MIOS: variants seen among roughly 807,000 people sequenced by gnomAD.
MIOS encodes meiosis regulator for oocyte development.
Under a neutral mutation model 96.9 loss-of-function variants are expected in MIOS, and 52 were observed. The ratio of observed to expected loss-of-function variants is 0.54; its 90% confidence interval spans 0.43 to 0.68. MIOS has a LOEUF of 0.68. MIOS is among the 30% of genes least tolerant of loss of function. The probability of loss-of-function intolerance (pLI) is 0.00; values close to 1 mark genes in which losing one functional copy is unlikely to be tolerated. For synonymous variants in MIOS, 397 were observed against 359.5 expected (o/e 1.10, Z -1.18); for missense variants, 1,005 against 1,052.8 (o/e 0.95, Z 0.63).
intron 5 of MIOS, among the ~76,000 whole-genome samples, chr7:7,579,283 A>G (rs1305730375): frequency 6.6e-6 from 1 of 152,230 alleles, no homozygotes; most frequent in Non-Finnish European, 1.5e-5. Context: ...CAATAAAAAG[A>G]TCTCTAAGCA....
rs1784595573 is a variant in MIOS, at chr7:7,608,858, C to G, written c.*1766C>G. 6.6e-6 allele frequency: 1 copy of G among 151,840 alleles called. No homozygotes were observed. The highest frequency in any genetic ancestry group is 2.1e-4 in the South Asian group (1 of 4,820). The allele number at this position is 151,840 out of a possible 1,614,324, so 9.4% of individuals were successfully genotyped here. ...ATTATGTAATATGCTTATTTGTAAT[C>G]CTAATATATGAGGGTGACATTTTTA... On this transcript the variant is annotated 3_prime_UTR_variant, in exon 13 of 13. Transcript: ENST00000340080.
intron 3 of MIOS, 117 bp downstream of exon 3, chr7:7,568,240 G>A (rs1035861919): frequency 7.9e-5 from 12 of 152,210 alleles, no homozygotes; most frequent in Non-Finnish European, 1.3e-4. Flanking sequence ...TAAGGGAATG[G>A]TAGTAATACT....
At chr7:7,588,685 G>A (rs1783961224) in intron 8 of MIOS, 122 bp downstream of exon 8, 1 of 510,116 alleles carries the variant, frequency 2.0e-6, no homozygotes, top group Non-Finnish European at 3.1e-6. Context: ...TAAAAAGTAT[G>A]GTAAGAATTT....
intron 11 of MIOS, among the ~76,000 whole-genome samples, chr7:7,598,108 A>G (rs904404603): frequency 1.3e-5 from 2 of 152,214 alleles, no homozygotes; most frequent in South Asian, 4.1e-4. Flanking sequence ...TAACTTGAAA[A>G]TGATACTGTG....
chr7:7,604,711 T>G (rs915953381), intron 11 of MIOS, among the ~76,000 whole-genome samples: 3 of 152,226 alleles, frequency 2.0e-5, no homozygotes, highest in African/African-American at 7.2e-5. Context: ...TCATTTGATC[T>G]TAAGCCTTTA....
chr7:7,601,092 C>T (rs924596203), intron 11 of MIOS, among the ~76,000 whole-genome samples: 3 of 151,986 alleles, frequency 2.0e-5, no homozygotes, highest in Non-Finnish European at 4.4e-5. Context: ...ATTTATAGCA[C>T]TAAATGCCCA....
rs780868296 is a variant in MIOS, at chr7:7,583,224, A to C, written c.1500A>C (p.Ile500=). Residue 500 remains isoleucine (I), a synonymous_variant, in exon 6 of 13, where the codon ATA becomes ATC. Coordinates refer to ENST00000340080, the MANE Select transcript of MIOS (RefSeq NM_019005.4). ...TAGCTTTACAGCTTTGTGGGTGGAT[A>C]AAGAAAGGAACGGATGTAGACGTGG... ...RILALQLCGW[I]KKGTDVDVGP... is the part of the protein sequence containing the mutation. The C allele has an allele frequency of 6.2e-7, 1 of 1,614,184 alleles. No individual in the cohort carries two copies. The highest frequency in any genetic ancestry group is 8.5e-7 in the Non-Finnish European group (1 of 1,180,020).
chr7:7,587,144 G>A (rs1783913856), intron 7 of MIOS, among the ~76,000 whole-genome samples: 2 of 152,030 alleles, frequency 1.3e-5, no homozygotes. Flanking sequence ...CCAAGTAGCT[G>A]AGACTGCAGG....
At chr7:7,567,488 A>C (rs1396315233) in intron 1 of MIOS, 119 bp from the exon 2 acceptor site, 2 of 152,084 alleles carry the variant, frequency 1.3e-5, no homozygotes, top group African/African-American at 4.8e-5. Context: ...TCTCCCGGTG[A>C]GCTCTGTTCT....
At position 7,573,805 on chromosome 7, in the gene MIOS, A is replaced by G. The variant is rs772924898; in HGVS notation, c.1294+36A>G. On this transcript the variant is annotated intron_variant, in intron 4 of 12. Transcript: ENST00000340080. This position sits in a 1 kb window ranked among gnomAD's most constrained non-coding sequence, Gnocchi z 5.0. Reference sequence around the variant, plus strand: ...CATTGTGAATTTTGTGAGGTGAATCAGGTAGAAATGTTCTTGAAGTTTGCC... The same window carrying G: ...CATTGTGAATTTTGTGAGGTGAATCGGGTAGAAATGTTCTTGAAGTTTGCC... 1 of 1,527,436 alleles carries G rather than the reference A, an allele frequency of 6.5e-7. No individual in the cohort carries two copies. Among genetic ancestry groups the G allele is most frequent in the South Asian group, 1.3e-5 (1 of 76,716 alleles). The allele number at this position is 1,527,436 out of a possible 1,614,324, so 94.6% of individuals were successfully genotyped here.
intron 11 of MIOS, 138 bp downstream of exon 11, chr7:7,596,599 T>C: frequency 1.3e-6 from 1 of 776,562 alleles, no homozygotes; most frequent in Non-Finnish European, 2.0e-6. Context: ...AAGGCTTTTA[T>C]GTTCCTATAA....
intron 11 of MIOS, among the ~76,000 whole-genome samples, chr7:7,601,601 G>A (rs182169699): frequency 2.0e-5 from 3 of 152,090 alleles, no homozygotes; most frequent in Non-Finnish European, 2.9e-5. Flanking sequence ...ACCAAAAAAA[G>A]TCCAGGACCA....
At chr7:7,590,519 C>G (rs894188649) in intron 9 of MIOS, among the ~76,000 whole-genome samples, 12 of 152,158 alleles carry the variant, frequency 7.9e-5, no homozygotes, top group African/African-American at 2.9e-4. Flanking sequence ...AAAATCCAGT[C>G]TGATAATTGC....
At position 7,596,461 on chromosome 7, in the gene MIOS, G is replaced by C; in HGVS notation, c.2401G>C (p.Gly801Arg). Residue 801 changes from glycine (G) to arginine (R), a missense_variant and splice_region_variant, in exon 11 of 13, where the codon GGA (glycine) becomes CGA (arginine). Around this residue, in one of 3 missense-constraint regions of MIOS, gnomAD observed 865 missense variants for 887.9 expected, o/e 0.97. Transcript: ENST00000340080. ...GGGAACACCAGTTTCTAGCTGTCCT[G>C]GTATGACATAATTTTACAAAATACT... Reference protein sequence around the residue: ...NMGTPVSSCPGGTKSDEKVDL... With the variant: ...NMGTPVSSCPRGTKSDEKVDL... 6.2e-7 allele frequency: 1 copy of C among 1,611,736 alleles called. No homozygotes were observed. The highest frequency in any genetic ancestry group is 8.5e-7 in the Non-Finnish European group (1 of 1,178,294).
rs149625061 is a variant in MIOS at position 7,579,631 on chromosome 7, G to T, written c.1394-3487G>T. Among the ~76,000 whole-genome samples the T allele has an allele frequency of 3.2e-3, 486 of 152,218 alleles. 2 individuals carry two copies. Among genetic ancestry groups the T allele is most frequent in the Non-Finnish European group, 5.4e-3 (368 of 68,000 alleles). On this transcript the variant is annotated intron_variant, in intron 5 of 12. Transcript: ENST00000340080. ...TTGGGCCACACATAAAATACACTAA[G>T]AATAGCTGATGAGCTAAAAAATAAA... is the stretch of plus-strand genomic sequence containing the variant.
In MIOS at chr7:7,595,114, T is replaced by C. The variant is rs1784166498; in HGVS notation, c.2178T>C (p.Ser726=). 6.2e-7 allele frequency: 1 copy of C among 1,612,830 alleles called. No individual in the cohort carries two copies. Among genetic ancestry groups the C allele is most frequent in the Non-Finnish European group, 8.5e-7 (1 of 1,179,694 alleles). ...TTCACAGGAGTAAGTTGGATCCCAG[T>C]TCCAAGCCTTTAGCACAAGTAAGTA... ...FDIHRSKLDP[S]SKPLAQVFVS... The change falls in exon 10 of 13, where the codon AGT becomes AGC. Residue 726 remains serine (S), a synonymous_variant. Coordinates refer to ENST00000340080, the MANE Select transcript of MIOS (RefSeq NM_019005.4).
Position 7,574,180 on chromosome 7 carries a change from T to G in MIOS, c.1377T>G (p.Ile459Met), listed in dbSNP as rs767805625. 4 of 1,606,234 alleles carry G rather than the reference T, an allele frequency of 2.5e-6. No individual in the cohort carries two copies. The Admixed American group carries it at 6.8e-5, about 27-fold the overall frequency. ...TGGTTTATGCAGGAATTAAATCAAT[T>G]GTAAAGTCATCGTTGGGTAAGAAAA... ...GSLVYAGIKS[I>M]VKSSLGMVES... The change falls in exon 5 of 13, where the codon ATT becomes ATG. Residue 459 changes from isoleucine to methionine, a missense_variant. Ile to Met is a conservative substitution (Grantham distance 10). This residue lies in a region of MIOS where 865 missense variants were observed against 887.9 expected (regional missense o/e 0.97). Transcript: ENST00000340080.
intron 3 of MIOS, among the ~76,000 whole-genome samples, chr7:7,571,285 C>T (rs954805282): frequency 6.6e-6 from 1 of 152,144 alleles, no homozygotes; most frequent in South Asian, 2.1e-4. Flanking sequence ...ATATTTAGTT[C>T]GTGTGCTTCT....
chr7:7,608,410 C>T lies in MIOS; in HGVS notation c.*1318C>T, dbSNP rs1175607330. The T allele has an allele frequency of 1.3e-5, 2 of 151,980 alleles. No individual in the cohort carries two copies. Among genetic ancestry groups the T allele is most frequent in the Admixed American group, 6.6e-5 (1 of 15,234 alleles). The allele number at this position is 151,980 out of a possible 1,614,324, so 9.4% of individuals were successfully genotyped here. On this transcript the variant is annotated 3_prime_UTR_variant, in exon 13 of 13. Coordinates refer to ENST00000340080, the MANE Select transcript of MIOS (RefSeq NM_019005.4). Reference sequence around the variant, plus strand: ...TTTGTCAGATTAGTTTGAGGTGTAACCTAAATATTAAAAGTAGATTAAATT... The same window carrying T: ...TTTGTCAGATTAGTTTGAGGTGTAATCTAAATATTAAAAGTAGATTAAATT...
Sources: allele counts gnomAD v4.1 joint callset (sites outside exome capture counted in the v4.1 genomes callset), GRCh38; gene constraint gnomAD v4.1.1; regional missense constraint gnomAD v4.1.1; non-coding constraint Gnocchi (gnomAD v3.1); transcripts MANE v1.5; gene names NCBI Gene and HGNC (gene_info 2026-07-23, HGNC 2026-07-21).